The following KLHL1 variants were observed in gnomAD, a reference collection of about 807,000 sequenced individuals.
KLHL1 encodes the protein kelch like family member 1.
A neutral mutation model predicts 77.7 loss-of-function variants in KLHL1; 47 were observed. The observed-to-expected ratio is 0.60, with a 90% CI of 0.48 to 0.77. The LOEUF (loss-of-function observed/expected upper bound fraction) is 0.77. Among genes scored for constraint, KLHL1 ranks in the 30% least tolerant of loss-of-function variants. The pLI is 0.00. For synonymous variants in KLHL1, 360 were observed against 325.2 expected (o/e 1.11, Z -1.15); for missense variants, 925 against 910.8 (o/e 1.02, Z -0.20).
chr13:69,730,965 T>C (rs1375988965), intron 8 of KLHL1, among the ~76,000 whole-genome samples: 2 of 152,168 alleles, frequency 1.3e-5, no homozygotes, highest in African/African-American at 2.4e-5. Context: ...TAATATTTAA[T>C]ATTGAAGAAT....
chr13:69,954,914 T>G (rs557986963), intron 3 of KLHL1, among the ~76,000 whole-genome samples: 1 of 150,328 alleles, frequency 6.7e-6, no homozygotes, highest in South Asian at 2.1e-4. Context: ...ATATTATTGA[T>G]TTTATTTTTA....
rs1256888512 is a variant in KLHL1, at chr13:69,830,007, T to C, written c.1414+8969A>G. On this transcript the variant is annotated intron_variant, in intron 6 of 10. Coordinates refer to ENST00000377844, the MANE Select transcript of KLHL1 (RefSeq NM_020866.3). ...ACCAAAATAGAACCTCCTTAAAGCATAAATTTCACCAGGCTTATAAAACAA... is the reference window on the plus strand; with the variant it reads ...ACCAAAATAGAACCTCCTTAAAGCACAAATTTCACCAGGCTTATAAAACAA... 4.0e-5 allele frequency among the ~76,000 whole-genome samples: 6 copies of C among 149,364 alleles called. 1 individual carries two copies. The highest frequency in any genetic ancestry group is 8.9e-5 in the Non-Finnish European group (6 of 67,668).
intron 4 of KLHL1, among the ~76,000 whole-genome samples, chr13:69,932,584 G>C (rs1436359136): frequency 6.6e-6 from 1 of 151,688 alleles, no homozygotes. Context: ...TTGAAACTTT[G>C]TTAGTTATAT....
chr13:69,951,065 A>G (rs1215855601), intron 3 of KLHL1, among the ~76,000 whole-genome samples: 1 of 151,624 alleles, frequency 6.6e-6, no homozygotes, highest in Non-Finnish European at 1.5e-5. Flanking sequence ...CCTTTAGTTT[A>G]TAATATAACT....
chr13:70,037,534 A>C (rs1346294771), intron 1 of KLHL1, among the ~76,000 whole-genome samples: 1 of 152,020 alleles, frequency 6.6e-6, no homozygotes, highest in African/African-American at 2.4e-5. Flanking sequence ...TTGTTGTCTA[A>C]AATATAAGAA....
chr13:69,898,335 T>C (rs780351873), intron 4 of KLHL1, among the ~76,000 whole-genome samples: 2 of 152,182 alleles, frequency 1.3e-5, no homozygotes, highest in Non-Finnish European at 2.9e-5. Flanking sequence ...TTGCCTGAGT[T>C]CCTGTGCACC....
intron 3 of KLHL1, among the ~76,000 whole-genome samples, chr13:69,947,382 C>A (rs1056345395): frequency 6.6e-6 from 1 of 151,592 alleles, no homozygotes; most frequent in Admixed American, 6.6e-5. Context: ...TTTTACTTCC[C>A]AGATCAACAC....
intron 8 of KLHL1, among the ~76,000 whole-genome samples, chr13:69,736,156 T>C (rs1235371198): frequency 1.3e-5 from 2 of 151,870 alleles, no homozygotes; most frequent in African/African-American, 2.4e-5. Flanking sequence ...ATGACTAATA[T>C]CCAGAATCTA....
In KLHL1 at chr13:70,059,305, GC is replaced by G. The variant is rs1886820309; in HGVS notation, c.497+47897del. On this transcript the variant is annotated intron_variant, in intron 1 of 10. Coordinates refer to ENST00000377844, the MANE Select transcript of KLHL1 (RefSeq NM_020866.3). ...TCCCAAGTATCTAGGATTACAGCAC[GC>G]ATCACTATGCCCAGCTAATTGTTTT... Among the ~76,000 whole-genome samples, 3 of 151,908 alleles carry G rather than the reference GC, an allele frequency of 2.0e-5. No homozygotes were observed. The South Asian group carries it at 6.2e-4, about 32-fold the overall frequency.
intron 8 of KLHL1, among the ~76,000 whole-genome samples, chr13:69,738,859 T>A (rs1873871776): frequency 6.6e-6 from 1 of 152,094 alleles, no homozygotes; most frequent in Non-Finnish European, 1.5e-5. Flanking sequence ...CTTTTCCAAC[T>A]TACCAAGACA....
At chr13:69,730,187 A>C (rs897251089) in intron 8 of KLHL1, among the ~76,000 whole-genome samples, 7 of 152,164 alleles carry the variant, frequency 4.6e-5, no homozygotes, top group African/African-American at 7.2e-5. Flanking sequence ...TATTCAAAGT[A>C]AAGTCATAAA....
chr13:69,770,912 A>C (rs1478736830), intron 7 of KLHL1, among the ~76,000 whole-genome samples: 1 of 152,076 alleles, frequency 6.6e-6, no homozygotes, highest in African/African-American at 2.4e-5. Flanking sequence ...TGCCCAGCTA[A>C]GTTTTTGTAG....
At chr13:69,917,415 T>C (rs1882482186) in intron 4 of KLHL1, among the ~76,000 whole-genome samples, 1 of 152,092 alleles carries the variant, frequency 6.6e-6, no homozygotes, top group Non-Finnish European at 1.5e-5. Context: ...TGTCTACTTT[T>C]TAAACTGCCT....
intron 4 of KLHL1, among the ~76,000 whole-genome samples, chr13:69,908,417 A>T (rs937769275): frequency 4.6e-5 from 7 of 151,590 alleles, no homozygotes; most frequent in African/African-American, 1.5e-4. Context: ...AAAGTTCCTG[A>T]AATAGTTATT....
At chr13:69,744,946 T>G (rs534913449) in intron 7 of KLHL1, among the ~76,000 whole-genome samples, 1 of 152,208 alleles carries the variant, frequency 6.6e-6, no homozygotes, top group Admixed American at 6.6e-5. Context: ...ACTTTCTTGA[T>G]GTACATATGA....
chr13:69,979,465 T>C (rs74728370), intron 1 of KLHL1, among the ~76,000 whole-genome samples: 6,431 of 152,198 alleles, frequency 0.042, 197 homozygotes, highest in Middle Eastern at 0.066. Flanking sequence ...TATTTATTAT[T>C]TAACCTTCTT....
intron 2 of KLHL1, among the ~76,000 whole-genome samples, chr13:69,969,382 C>G (rs1251708513): frequency 6.6e-6 from 1 of 152,038 alleles, no homozygotes. Flanking sequence ...GATTAAGACA[C>G]AGTTATCCTC....
intron 10 of KLHL1, among the ~76,000 whole-genome samples, chr13:69,705,307 C>T (rs1443614889): frequency 6.6e-6 from 1 of 151,570 alleles, no homozygotes; most frequent in Non-Finnish European, 1.5e-5. Flanking sequence ...ACACGTGTAT[C>T]TATACATATG....
Position 69,701,053 on chromosome 13 carries a change from T to A in KLHL1, c.*649A>T, listed in dbSNP as rs1875368883. ...GTTTGCCAGTTTCAGATTGCCAATA[T>A]GGTTGCAATAAAATTCAACCATTAT... On this transcript the variant is annotated 3_prime_UTR_variant, in exon 11 of 11. Transcript: ENST00000377844. 6.6e-6 allele frequency: 1 copy of A among 152,340 alleles called. No individual in the cohort carries two copies. The highest frequency in any genetic ancestry group is 1.9e-4 in the East Asian group (1 of 5,188). 9.4% of individuals were successfully genotyped at this position (152,340 alleles called of 1,614,324 possible).
Sources: gnomAD v4.1 joint callset for allele counts (sites outside exome capture counted in the v4.1 genomes callset) on GRCh38, gnomAD v4.1.1 for gene constraint, MANE v1.5 for transcripts, NCBI Gene and HGNC (gene_info 2026-07-23, HGNC 2026-07-21) for gene names.